The following PEBP4 variants were observed in gnomAD, a reference collection of about 807,000 sequenced individuals.
PEBP4 encodes the protein phosphatidylethanolamine-binding protein 4.
In PEBP4, 22 loss-of-function variants were observed where a neutral mutation model predicts 23.9. That is an observed-to-expected ratio of 0.92 (90% CI 0.66 to 1.31). The LOEUF (loss-of-function observed/expected upper bound fraction) is 1.31, where lower values mean the gene tolerates loss of function less well. Ranked by LOEUF, PEBP4 falls within the 40% of genes most tolerant of loss-of-function variation. The pLI, the probability that PEBP4 is intolerant of heterozygous loss-of-function variation, is 0.00. For missense variants in PEBP4, 324 were observed against 281.7 expected, an observed-to-expected ratio of 1.15 and a Z score of -1.07; for synonymous variants, 112 against 99.3, an observed-to-expected ratio of 1.13 and a Z score of -0.76.
chr8:22,817,501 T>C, intron 4 of PEBP4, 136 bp downstream of exon 4: 1 of 783,176 alleles, frequency 1.3e-6, no homozygotes, highest in Non-Finnish European at 2.1e-6. Context: ...AGGGCTTTGA[T>C]AGCTGAGCAC....
rs1001072867 is a variant in PEBP4, at chr8:22,865,068, C to A, written c.259-47333G>T. On this transcript the variant is annotated intron_variant, in intron 3 of 6. Transcript: ENST00000256404. The surrounding 1 kb of genome is among the most constrained non-coding windows in gnomAD (Gnocchi z 6.9). The stretch of plus-strand genomic sequence containing the variant: ...AAGGGGTAGGTCACCAGGCGGGGAC[C>A]TGCAGGGCCAGACGCCGAGCCCTGG... 3.9e-5 allele frequency among the ~76,000 whole-genome samples: 6 copies of A among 152,126 alleles called. No individual in the cohort carries two copies. Among genetic ancestry groups the A allele is most frequent in the African/African-American group, 1.4e-4 (6 of 41,426 alleles).
chr8:22,791,511 T>C (rs529550708), intron 4 of PEBP4, among the ~76,000 whole-genome samples: 1 of 152,154 alleles, frequency 6.6e-6, no homozygotes, highest in Admixed American at 6.5e-5. Context: ...GAGAAAGCTG[T>C]GGGCTTCTCC....
chr8:22,890,743 C>A (rs962083369), intron 3 of PEBP4, among the ~76,000 whole-genome samples: 4 of 152,256 alleles, frequency 2.6e-5, no homozygotes, highest in African/African-American at 9.6e-5. Flanking sequence ...TACCGGCAAG[C>A]ATGCTTGGTC....
At chr8:22,906,927 T>G (rs1242920889) in intron 3 of PEBP4, among the ~76,000 whole-genome samples, 4 of 151,624 alleles carry the variant, frequency 2.6e-5, no homozygotes, top group African/African-American at 9.7e-5. Flanking sequence ...AGTTAGAAGG[T>G]GGTGAAGGAA....
intron 3 of PEBP4, among the ~76,000 whole-genome samples, chr8:22,889,403 C>T (rs1405762934): frequency 6.6e-6 from 1 of 152,142 alleles, no homozygotes; most frequent in Non-Finnish European, 1.5e-5. Context: ...TGGGGAGAGA[C>T]CCCAGTCCCC....
intron 3 of PEBP4, among the ~76,000 whole-genome samples, chr8:22,877,760 G>A (rs548999401): frequency 2.0e-5 from 3 of 152,252 alleles, no homozygotes; most frequent in Non-Finnish European, 1.5e-5. Flanking sequence ...TCTCGCTGTC[G>A]CTCGGCAGAA....
intron 4 of PEBP4, among the ~76,000 whole-genome samples, chr8:22,783,669 T>TTTTTG (rs1447169401): frequency 6.6e-6 from 1 of 152,052 alleles, no homozygotes; most frequent in Non-Finnish European, 1.5e-5. Context: ...TGGTTTTTGG[T>TTTTTG]TTTTGTTTTG....
intron 3 of PEBP4, among the ~76,000 whole-genome samples, chr8:22,837,034 T>C (rs972780023): frequency 5.9e-5 from 9 of 152,332 alleles, no homozygotes; most frequent in African/African-American, 2.2e-4. Flanking sequence ...TTTCTATGAA[T>C]GGCACTGCCA....
chr8:22,802,702 T>A (rs182871117), intron 4 of PEBP4, among the ~76,000 whole-genome samples: 1 of 152,326 alleles, frequency 6.6e-6, no homozygotes, highest in Non-Finnish European at 1.5e-5. Context: ...CCAAGACGCT[T>A]TGTTACTGGG....
intron 3 of PEBP4, among the ~76,000 whole-genome samples, chr8:22,845,044 A>G (rs1807401206): frequency 6.6e-6 from 1 of 152,184 alleles, no homozygotes; most frequent in Non-Finnish European, 1.5e-5. Flanking sequence ...CAAAGGGGAG[A>G]GCAGCAGTAT....
intron 4 of PEBP4, among the ~76,000 whole-genome samples, chr8:22,786,444 G>T (rs952717646): frequency 6.6e-6 from 1 of 151,980 alleles, no homozygotes; most frequent in Non-Finnish European, 1.5e-5. Flanking sequence ...CACCATGTCC[G>T]GCAATTTTTT....
At chr8:22,864,601 C>A (rs1176174080) in intron 3 of PEBP4, among the ~76,000 whole-genome samples, 1 of 152,124 alleles carries the variant, frequency 6.6e-6, no homozygotes, top group Non-Finnish European at 1.5e-5. Flanking sequence ...CAGTAGGAAT[C>A]GAAGTGACTC....
At chr8:22,937,798 ATGTGTGTG>A (rs55794481) in intron 1 of PEBP4, among the ~76,000 whole-genome samples, 302 of 150,474 alleles carry the variant, frequency 2.0e-3, no homozygotes, top group Non-Finnish European at 2.7e-3. Flanking sequence ...ATGTGTATGT[ATGTGTGTG>A]TGTGTGTGTG....
intron 3 of PEBP4, among the ~76,000 whole-genome samples, chr8:22,918,361 G>A (rs547146736): frequency 6.6e-6 from 1 of 152,178 alleles, no homozygotes; most frequent in Non-Finnish European, 1.5e-5. Context: ...AAATCTCTAT[G>A]TTCCACATCC....
At chr8:22,767,118 T>A (rs556874952) in intron 4 of PEBP4, among the ~76,000 whole-genome samples, 1 of 152,332 alleles carries the variant, frequency 6.6e-6, no homozygotes, top group Non-Finnish European at 1.5e-5. Context: ...AGTACTTGCA[T>A]TTTAAAAGAT....
chr8:22,845,484 T>C (rs1205650623), intron 3 of PEBP4, among the ~76,000 whole-genome samples: 3 of 152,114 alleles, frequency 2.0e-5, no homozygotes, highest in Admixed American at 6.5e-5. Flanking sequence ...GGGTGCATCA[T>C]GGCACTCTAG....
intron 3 of PEBP4, among the ~76,000 whole-genome samples, chr8:22,919,303 G>A (rs559032382): frequency 6.6e-6 from 1 of 152,238 alleles, no homozygotes; most frequent in South Asian, 2.1e-4. Context: ...GTCACATCCC[G>A]GCCACGACCC....
At chr8:22,857,746 G>A (rs1807686274) in intron 3 of PEBP4, among the ~76,000 whole-genome samples, 1 of 152,172 alleles carries the variant, frequency 6.6e-6, no homozygotes, top group South Asian at 2.1e-4. Context: ...GAATACTGAA[G>A]CATTCCTCAT....
At chr8:22,833,877 C>T (rs1163276930) in intron 3 of PEBP4, among the ~76,000 whole-genome samples, 5 of 152,130 alleles carry the variant, frequency 3.3e-5, no homozygotes. Flanking sequence ...ATAAGTTTCC[C>T]AGGTGATCTA....
Sources: allele counts gnomAD v4.1 joint callset (sites outside exome capture counted in the v4.1 genomes callset), GRCh38; gene constraint gnomAD v4.1.1; non-coding constraint Gnocchi (gnomAD v3.1); transcripts MANE v1.5; gene names NCBI Gene and HGNC (gene_info 2026-07-23, HGNC 2026-07-21).